Variants in TMEM143 observed in about 807,000 individuals in gnomAD.
The protein encoded by TMEM143 is transmembrane protein 143.
Under a neutral mutation model 40.3 loss-of-function variants are expected in TMEM143, and 45 were observed. The observed-to-expected ratio is 1.12, with a 90% CI of 0.88 to 1.43. The LOEUF is 1.43. TMEM143 is among the 40% of genes most tolerant of loss of function. TMEM143 has a pLI of 0.00. For synonymous variants in TMEM143, 299 were observed against 282.7 expected (o/e 1.06, Z -0.58); for missense variants, 620 against 613.4 (o/e 1.01, Z -0.11).
intron 6 of TMEM143, 57 bp downstream of exon 6, chr19:48,342,473 G>C (rs1248822386): frequency 1.3e-6 from 2 of 1,525,726 alleles, no homozygotes; most frequent in Non-Finnish European, 1.8e-6. Flanking sequence ...ACTACAGGGG[G>C]CCTGACCTGG....
chr19:48,337,546 C>CA (rs1350091935), intron 6 of TMEM143, among the ~76,000 whole-genome samples: 1 of 125,426 alleles, frequency 8.0e-6, no homozygotes, highest in East Asian at 2.1e-4. Context: ...GACTCCATCT[C>CA]AAAAAAAGAA....
chr19:48,348,025 CAAAAA>C (rs556686693), intron 3 of TMEM143, among the ~76,000 whole-genome samples: 2 of 103,324 alleles, frequency 1.9e-5, no homozygotes, highest in South Asian at 3.3e-4. Context: ...GACCCTGTCT[CAAAAA>C]AAAAAAAAAA....
At chr19:48,354,827 C>T (rs901908436) in intron 3 of TMEM143, among the ~76,000 whole-genome samples, 2 of 152,144 alleles carry the variant, frequency 1.3e-5, no homozygotes, top group African/African-American at 4.8e-5. Context: ...CTGCTTCTTT[C>T]CCTGCCCAGG....
chr19:48,342,446 T>C, intron 6 of TMEM143, 84 bp downstream of exon 6: 1 of 1,464,586 alleles, frequency 6.8e-7, no homozygotes, highest in Non-Finnish European at 9.1e-7. Context: ...GCAGGAACAA[T>C]GCATGAAACA....
rs1353068777 is a variant in TMEM143, at chr19:48,348,012, C to T, written c.370-2658G>A. Among the ~76,000 whole-genome samples the T allele has an allele frequency of 1.2e-4, 17 of 142,906 alleles. No individual in the cohort carries two copies. In the East Asian group the frequency reaches 1.8e-3, roughly 15 times the overall value. 93.8% of individuals were successfully genotyped at this position (142,906 alleles called of 152,430 possible). On this transcript the variant is annotated intron_variant, in intron 3 of 7. Transcript: ENST00000293261. ...CTCCACTCCAGCCTGGGTGACAGAG[C>T]GAGACCCTGTCTCAAAAAAAAAAAA...
At chr19:48,349,608 T>A (rs1040759743) in intron 3 of TMEM143, among the ~76,000 whole-genome samples, 1 of 150,458 alleles carries the variant, frequency 6.6e-6, no homozygotes, top group Non-Finnish European at 1.5e-5. Context: ...TCGCACCAAC[T>A]GCACTCCAGC....
chr19:48,345,411 G>C, intron 3 of TMEM143, 57 bp from the exon 4 acceptor site: 1 of 1,327,102 alleles, frequency 7.5e-7, no homozygotes, highest in Middle Eastern at 1.9e-4. Context: ...AAGGATTCTA[G>C]GGACATCTAA....
intron 3 of TMEM143, among the ~76,000 whole-genome samples, chr19:48,351,192 G>A (rs1969765066): frequency 6.6e-6 from 1 of 152,046 alleles, no homozygotes; most frequent in Non-Finnish European, 1.5e-5. Context: ...CCCCAAACCT[G>A]CTCCTCTCAG....
Position 48,363,414 on chromosome 19 carries a change from C to T in TMEM143, c.141G>A (p.Leu47=). The T allele has an allele frequency of 6.2e-7, 1 of 1,614,154 alleles. No homozygotes were observed. Among genetic ancestry groups the T allele is most frequent in the South Asian group, 1.1e-5 (1 of 91,082 alleles). ...TGCGATACTCCCCCATTTTGGCTGCCAGCGATGAGAGGGCCCGGGGGGGCC... is the reference window on the plus strand; with the variant it reads ...TGCGATACTCCCCCATTTTGGCTGCTAGCGATGAGAGGGCCCGGGGGGGCC... The part of the protein sequence containing the change: ...LLGPPRALSS[L]AAKMGEYRKM... Residue 47 remains leucine (L), a synonymous_variant, in exon 2 of 8, where the codon CTG becomes CTA. Transcript: ENST00000293261.
chr19:48,334,451 TTTCTTTC>T (rs1305569962), intron 6 of TMEM143, among the ~76,000 whole-genome samples: 2 of 46,430 alleles, frequency 4.3e-5, no homozygotes, highest in African/African-American at 1.7e-4. Context: ...TCTTTCTTTC[TTTCTTTC>T]TTTCTTTCTT....
chr19:48,350,290 C>T (rs1020696240), intron 3 of TMEM143, among the ~76,000 whole-genome samples: 2 of 151,738 alleles, frequency 1.3e-5, no homozygotes, highest in Non-Finnish European at 1.5e-5. Context: ...GGATTACAGG[C>T]GTGAGCCACT....
At chr19:48,353,431 G>A (rs1011030427) in intron 3 of TMEM143, among the ~76,000 whole-genome samples, 6 of 151,508 alleles carry the variant, frequency 4.0e-5, no homozygotes, top group African/African-American at 1.5e-4. Flanking sequence ...CAATCCACCC[G>A]CCTTGGCCTC....
intron 2 of TMEM143, 37 bp from the exon 3 acceptor site, chr19:48,360,213 T>C (rs779632536): frequency 3.1e-6 from 5 of 1,591,852 alleles, no homozygotes; most frequent in Admixed American, 1.7e-5. Flanking sequence ...CTGTAGGCCT[T>C]TTCCCCTTCC....
intron 3 of TMEM143, among the ~76,000 whole-genome samples, chr19:48,346,394 T>G (rs988435491): frequency 1.3e-5 from 2 of 152,056 alleles, no homozygotes; most frequent in African/African-American, 4.8e-5. Flanking sequence ...CAGCAGATTC[T>G]TTTCTTATCA....
rs1969603699 is a variant in TMEM143 at position 48,345,472 on chromosome 19, T to G, written c.370-118A>C. 6 of 669,342 alleles carry G rather than the reference T, an allele frequency of 9.0e-6. No homozygotes were observed. In the South Asian group the frequency reaches 4.1e-4, roughly 46 times the overall value. The allele number at this position is 669,342 out of a possible 1,614,324, so 41.5% of individuals were successfully genotyped here. On this transcript the variant is annotated intron_variant, in intron 3 of 7. Transcript: ENST00000293261. ...TTTATTTATTTATTTATTTATTTAT[T>G]TTATTGAGATAGAGTCTCGCTCTGT...
chr19:48,360,951 G>C lies in TMEM143; in HGVS notation c.265-775C>G, dbSNP rs144051409. On this transcript the variant is annotated intron_variant, in intron 2 of 7. Coordinates refer to ENST00000293261, the MANE Select transcript of TMEM143 (RefSeq NM_018273.4). ...ACAGGTGCCCACCACCATGCCTGGC[G>C]AATTTTTTTCAATTTTTTGTAAAGG... is the stretch of plus-strand genomic sequence containing the variant. 5.3e-3 allele frequency among the ~76,000 whole-genome samples: 794 copies of C among 150,596 alleles called. 8 individuals carry two copies. Among genetic ancestry groups the C allele is most frequent in the African/African-American group, 0.018 (737 of 41,046 alleles).
intron 2 of TMEM143, among the ~76,000 whole-genome samples, chr19:48,362,819 A>G (rs1970080748): frequency 6.6e-6 from 1 of 152,162 alleles, no homozygotes; most frequent in Non-Finnish European, 1.5e-5. Context: ...CTATGCTTCC[A>G]TTATCTCATC....
Position 48,343,459 on chromosome 19 carries a change from G to A in TMEM143, c.565-8C>T, listed in dbSNP as rs1414464558. On this transcript the variant is annotated splice_polypyrimidine_tract_variant and splice_region_variant and intron_variant, in intron 4 of 7. Coordinates refer to ENST00000293261, the MANE Select transcript of TMEM143 (RefSeq NM_018273.4). ...ATCCAAATTTACTGTCACCTGCCGG[G>A]GGGATGAAGGAAGCAGTGGCGGGTG... 3.2e-6 allele frequency: 5 copies of A among 1,570,546 alleles called. No homozygotes were observed. The highest frequency in any genetic ancestry group is 1.9e-5 in the Admixed American group (1 of 52,964).
intron 5 of TMEM143, 84 bp from the exon 6 acceptor site, chr19:48,342,893 G>A (rs953796484): frequency 6.9e-7 from 1 of 1,459,414 alleles, no homozygotes; most frequent in Non-Finnish European, 9.2e-7. Flanking sequence ...GCTCACTCTG[G>A]CTCTACAGTC....
Sources: gnomAD v4.1 joint callset for allele counts (sites outside exome capture counted in the v4.1 genomes callset) on GRCh38, gnomAD v4.1.1 for gene constraint, MANE v1.5 for transcripts, NCBI Gene and HGNC (gene_info 2026-07-23, HGNC 2026-07-21) for gene names.